CHIC2: variants seen among roughly 807,000 people sequenced by gnomAD.
The protein encoded by CHIC2 is cysteine rich hydrophobic domain 2, also known as cysteine-rich hydrophobic domain-containing protein 2.
A neutral mutation model predicts 25.9 loss-of-function variants in CHIC2; 14 were observed. That is an observed-to-expected ratio of 0.54 (90% confidence interval 0.36 to 0.85). The LOEUF (loss-of-function observed/expected upper bound fraction) is 0.85. Among genes scored for constraint, CHIC2 ranks in the 40% least tolerant of loss-of-function variants. The pLI, the probability that CHIC2 is intolerant of heterozygous loss-of-function variation, is 0.01. For missense variants in CHIC2, 146 were observed against 202.0 expected (o/e 0.72, Z 1.68); for synonymous variants, 70 against 72.0 (o/e 0.97, Z 0.14).
At chr4:54,090,199 AT>A in the CHIC2 span, among the ~76,000 whole-genome samples, 1 of 151,824 alleles carries the variant, frequency 6.6e-6, no homozygotes, top group Non-Finnish European at 1.5e-5. Flanking sequence ...ATATATATAT[AT>A]TTTTTAGATG....
the CHIC2 span, among the ~76,000 whole-genome samples, chr4:54,080,129 T>C: frequency 6.0e-5 from 9 of 148,892 alleles, no homozygotes; most frequent in Admixed American, 6.0e-4. Flanking sequence ...TATATATACA[T>C]ATATATATGT....
chr4:54,088,659 C>A, the CHIC2 span, among the ~76,000 whole-genome samples: 1 of 152,142 alleles, frequency 6.6e-6, no homozygotes, highest in Non-Finnish European at 1.5e-5. Context: ...TGTTCTTGGT[C>A]TGACCTGATC....
chr4:54,015,642 G>A (rs769028782), intron 3 of CHIC2, among the ~76,000 whole-genome samples: 6 of 152,086 alleles, frequency 3.9e-5, no homozygotes, highest in Non-Finnish European at 7.4e-5. Flanking sequence ...ATCGCACCAT[G>A]AAAAGAACAT....
chr4:54,070,451 T>C, the CHIC2 span, among the ~76,000 whole-genome samples: 1 of 152,082 alleles, frequency 6.6e-6, no homozygotes, highest in Non-Finnish European at 1.5e-5. Context: ...GAGACGGAGT[T>C]TACTCTTGTC....
the CHIC2 span, among the ~76,000 whole-genome samples, chr4:54,078,202 T>A: frequency 6.6e-6 from 1 of 152,196 alleles, no homozygotes; most frequent in South Asian, 2.1e-4. Context: ...CATGTATATG[T>A]GAGATTTCAT....
chr4:54,013,022 G>A (rs768758765), intron 5 of CHIC2, among the ~76,000 whole-genome samples: 1 of 151,996 alleles, frequency 6.6e-6, no homozygotes, highest in Non-Finnish European at 1.5e-5. Context: ...CAGAAATGTT[G>A]TAACAGGTAC....
At chr4:54,089,414 T>TATATATATATATATAC in the CHIC2 span, among the ~76,000 whole-genome samples, 2 of 117,876 alleles carry the variant, frequency 1.7e-5, no homozygotes, top group African/African-American at 6.0e-5. Context: ...TATATATATA[T>TATATATATATATATAC]ACACACACAT....
At chr4:54,046,067 A>G (rs1716775121) in intron 3 of CHIC2, among the ~76,000 whole-genome samples, 1 of 151,102 alleles carries the variant, frequency 6.6e-6, no homozygotes, top group Non-Finnish European at 1.5e-5. Context: ...CAAAGAGAAT[A>G]AAATACCTAG....
At chr4:54,058,143 C>T (rs1717228829) in intron 1 of CHIC2, among the ~76,000 whole-genome samples, 1 of 152,182 alleles carries the variant, frequency 6.6e-6, no homozygotes, top group Admixed American at 6.5e-5. Context: ...GAAAAGCATA[C>T]TTCACATTTT....
intron 3 of CHIC2, among the ~76,000 whole-genome samples, chr4:54,044,942 T>C (rs988709163): frequency 3.3e-5 from 5 of 151,052 alleles, no homozygotes; most frequent in East Asian, 1.9e-4. Flanking sequence ...ATCAAATAGA[T>C]GCAATAAAAA....
Position 54,049,321 on chromosome 4 carries a change from A to T in CHIC2, c.120-16T>A. The T allele has an allele frequency of 6.5e-7, 1 of 1,530,074 alleles. No individual in the cohort carries two copies. The highest frequency in any genetic ancestry group is 9.0e-7 in the Non-Finnish European group (1 of 1,115,296). The allele number at this position is 1,530,074 out of a possible 1,614,324, so 94.8% of individuals were successfully genotyped here. ...CAGTCCAAATCTATTTTAAAAAATAAGAAGAATATGTTATTACATGTTATT... is the reference window on the plus strand; with the variant it reads ...CAGTCCAAATCTATTTTAAAAAATATGAAGAATATGTTATTACATGTTATT... On this transcript the variant is annotated splice_polypyrimidine_tract_variant and intron_variant, in intron 1 of 5. Coordinates refer to ENST00000263921, the MANE Select transcript of CHIC2 (RefSeq NM_012110.4).
At chr4:54,076,840 G>A in the CHIC2 span, 1 of 152,214 alleles carries the variant, frequency 6.6e-6, no homozygotes, top group Non-Finnish European at 1.5e-5. Flanking sequence ...CTTTCAGAGT[G>A]CAAAGTGATT....
chr4:54,014,095 A>G lies in CHIC2; in HGVS notation c.355T>C (p.Leu119=). The change falls in exon 4 of 6, where the codon TTA becomes CTA. Residue 119 remains leucine (L), a synonymous_variant. Coordinates refer to ENST00000263921, the MANE Select transcript of CHIC2 (RefSeq NM_012110.4). ...KRTRRSIEKL[L]EWENNRLYHK... ...TATAACCTATTGTTTTCCCATTCTA[A>G]TAACTTCTCAATCGATCTTCGTGTC... 3 of 1,613,382 alleles carry G rather than the reference A, an allele frequency of 1.9e-6. No homozygotes were observed. Among genetic ancestry groups the G allele is most frequent in the Non-Finnish European group, 2.5e-6 (3 of 1,179,558 alleles).
At chr4:54,086,860 C>T in the CHIC2 span, 4 of 554,334 alleles carry the variant, frequency 7.2e-6, no homozygotes, top group Admixed American at 1.0e-4. Flanking sequence ...TATAAGAGTC[C>T]TTTTGGGAAA....
Position 54,045,688 on chromosome 4 carries a change from A to G in CHIC2, c.330+3267T>C, listed in dbSNP as rs1232903550. On this transcript the variant is annotated intron_variant, in intron 3 of 5. Coordinates refer to ENST00000263921, the MANE Select transcript of CHIC2 (RefSeq NM_012110.4). The stretch of plus-strand genomic sequence containing the variant: ...GCTATCTATGACAAACCCACAGCCA[A>G]TATCATACTGAATGGGCAAAAACTG... Among the ~76,000 whole-genome samples the G allele has an allele frequency of 2.6e-5, 4 of 152,096 alleles. No individual in the cohort carries two copies. In the East Asian group the frequency reaches 5.8e-4, roughly 22 times the overall value.
At chr4:54,014,927 T>A (rs375985512) in intron 3 of CHIC2, among the ~76,000 whole-genome samples, 2 of 152,134 alleles carry the variant, frequency 1.3e-5, no homozygotes, top group African/African-American at 2.4e-5. Flanking sequence ...TTGGTTCAGC[T>A]GCACTTTTCT....
chr4:54,048,577 A>G (rs1716905282), intron 3 of CHIC2, among the ~76,000 whole-genome samples: 1 of 152,150 alleles, frequency 6.6e-6, no homozygotes, highest in Non-Finnish European at 1.5e-5. Flanking sequence ...ATATTCAAGT[A>G]GTAGGTGAAC....
intron 1 of CHIC2, among the ~76,000 whole-genome samples, chr4:54,055,258 G>A (rs1368778796): frequency 2.0e-5 from 3 of 152,070 alleles, no homozygotes; most frequent in Non-Finnish European, 4.4e-5. Flanking sequence ...ATAGGTACAT[G>A]CCACCATAAC....
At chr4:54,069,506 C>T (rs1253299249), upstream of CHIC2, among the ~76,000 whole-genome samples, 2 of 152,242 alleles carry the variant, frequency 1.3e-5, no homozygotes, top group African/African-American at 2.4e-5. Flanking sequence ...GTTCAGCTGT[C>T]TGGCAGCTCT....
Sources: gnomAD v4.1 joint callset for allele counts (sites outside exome capture counted in the v4.1 genomes callset) on GRCh38, gnomAD v4.1.1 for gene constraint, MANE v1.5 for transcripts, NCBI Gene and HGNC (gene_info 2026-07-23, HGNC 2026-07-21) for gene names.